ANKRD10: variants seen among roughly 807,000 people sequenced by gnomAD.
The protein encoded by ANKRD10 is ankyrin repeat domain 10.
A neutral mutation model predicts 27.0 loss-of-function variants in ANKRD10; 14 were observed. That is an observed-to-expected ratio of 0.52 (90% CI 0.34 to 0.81). The LOEUF (loss-of-function observed/expected upper bound fraction) is 0.81, where lower values mean the gene tolerates loss of function less well. Among genes scored for constraint, ANKRD10 ranks in the 40% least tolerant of loss-of-function variants. ANKRD10 has a pLI of 0.01. For missense variants in ANKRD10, 493 were observed against 544.0 expected, an observed-to-expected ratio of 0.91 and a Z score of 0.93; for synonymous variants, 250 against 224.5, an observed-to-expected ratio of 1.11 and a Z score of -1.01.
intron 2 of ANKRD10, among the ~76,000 whole-genome samples, chr13:110,907,611 G>A (rs1167140305): frequency 1.3e-5 from 2 of 152,136 alleles, no homozygotes; most frequent in East Asian, 1.9e-4. Flanking sequence ...TTAAACAAAG[G>A]TCTAAAGAGA....
chr13:110,887,995 T>G (rs147911497), intron 4 of ANKRD10, among the ~76,000 whole-genome samples: 34 of 152,290 alleles, frequency 2.2e-4, no homozygotes, highest in Admixed American at 1.4e-3. Context: ...TAGAGCACAT[T>G]TTACTCAACT....
chr13:110,880,018 C>G lies in ANKRD10; in HGVS notation c.882G>C (p.Gly294=). Residue 294 remains glycine (G), a synonymous_variant, in exon 6 of 6, where the codon GGG becomes GGC. Coordinates refer to ENST00000267339, the MANE Select transcript of ANKRD10 (RefSeq NM_017664.4). The part of the protein sequence containing the change: ...LDFPSTTPLS[G]MESRNGQCLT... Reference sequence around the variant, plus strand: ...AGCACTGGCCATTCCTGCTTTCCATCCCACTGAGCGGGGTCGTGGAGGGGA... The same window carrying G: ...AGCACTGGCCATTCCTGCTTTCCATGCCACTGAGCGGGGTCGTGGAGGGGA... 1 of 1,614,180 alleles carries G rather than the reference C, an allele frequency of 6.2e-7. No individual in the cohort carries two copies. The highest frequency in any genetic ancestry group is 1.1e-5 in the South Asian group (1 of 91,078).
intron 1 of ANKRD10, among the ~76,000 whole-genome samples, chr13:110,912,604 GAA>G (rs1318108977): frequency 6.6e-6 from 1 of 152,168 alleles, no homozygotes; most frequent in African/African-American, 2.4e-5. Context: ...TGGAATTCTG[GAA>G]AGATACTGTT....
chr13:110,887,062 C>A (rs1355839198), intron 4 of ANKRD10, among the ~76,000 whole-genome samples: 1 of 152,168 alleles, frequency 6.6e-6, no homozygotes, highest in African/African-American at 2.4e-5. Context: ...GTGGTCACTG[C>A]CTGCCCTCCT....
At chr13:110,910,856 G>A in intron 1 of ANKRD10, 86 bp from the exon 2 acceptor site, 1 of 1,339,862 alleles carries the variant, frequency 7.5e-7, no homozygotes, top group Admixed American at 2.8e-5. Context: ...TTCTATAATG[G>A]TGACAAATGG....
At chr13:110,891,936 C>T (rs568386347) in intron 4 of ANKRD10, among the ~76,000 whole-genome samples, 33 of 144,110 alleles carry the variant, frequency 2.3e-4, no homozygotes, top group Non-Finnish European at 4.2e-4. Context: ...TGGTCTCGAA[C>T]TCCTGAGCTC....
rs527738597 is a variant in ANKRD10 at position 110,899,371 on chromosome 13, C to A, written c.456-6108G>T. Reference sequence around the variant, plus strand: ...ATCCCCAGTTTGATGCACCTGGATACATGGGCTGTGCCTGACCTAAAACGT... The same window carrying A: ...ATCCCCAGTTTGATGCACCTGGATAAATGGGCTGTGCCTGACCTAAAACGT... On this transcript the variant is annotated intron_variant, in intron 3 of 5. Coordinates refer to ENST00000267339, the MANE Select transcript of ANKRD10 (RefSeq NM_017664.4). Among the ~76,000 whole-genome samples the A allele has an allele frequency of 6.6e-5, 10 of 152,330 alleles. No homozygotes were observed. The East Asian group carries it at 1.9e-3, about 29-fold the overall frequency.
intron 4 of ANKRD10, among the ~76,000 whole-genome samples, chr13:110,888,171 C>G (rs527563751): frequency 2.0e-5 from 3 of 150,566 alleles, no homozygotes. Flanking sequence ...CTGGAAAGAC[C>G]GGGGGGGACT....
At chr13:110,914,498 C>G (rs1334228290) in intron 1 of ANKRD10, 3 of 436,206 alleles carry the variant, frequency 6.9e-6, no homozygotes, top group Admixed American at 4.8e-5. Flanking sequence ...CGGACGCAGG[C>G]GCCACCGACC....
chr13:110,898,753 T>TTC (rs1292610525), intron 3 of ANKRD10, among the ~76,000 whole-genome samples: 3 of 41,554 alleles, frequency 7.2e-5, no homozygotes, highest in Non-Finnish European at 2.8e-4. Flanking sequence ...TTCTTTTCTT[T>TTC]TTTTTTTTTT....
intron 5 of ANKRD10, 51 bp from the exon 6 acceptor site, chr13:110,880,163 A>T: frequency 6.8e-7 from 1 of 1,474,308 alleles, no homozygotes; most frequent in Non-Finnish European, 9.3e-7. Flanking sequence ...ATGAGGGAGG[A>T]GAAACTATAA....
intron 2 of ANKRD10, among the ~76,000 whole-genome samples, chr13:110,907,619 A>T (rs1003014738): frequency 6.6e-6 from 1 of 152,238 alleles, no homozygotes; most frequent in African/African-American, 2.4e-5. Context: ...AGGTCTAAAG[A>T]GACTATAAAG....
intron 3 of ANKRD10, among the ~76,000 whole-genome samples, chr13:110,902,144 T>C (rs1209443151): frequency 6.7e-6 from 1 of 149,546 alleles, no homozygotes; most frequent in Non-Finnish European, 1.5e-5. Context: ...GAATTCAGAG[T>C]CATAATTCTG....
Position 110,879,425 on chromosome 13 carries a change from C to T in ANKRD10, c.*212G>A. 1.8e-6 allele frequency: 1 copy of T among 541,376 alleles called. No homozygotes were observed. The highest frequency in any genetic ancestry group is 2.9e-5 in the East Asian group (1 of 34,580). 33.5% of individuals were successfully genotyped at this position (541,376 alleles called of 1,614,324 possible). ...CCAAAAGTGCACCTTATAAAAAGGA[C>T]ACCTCACTGTAGAAACATCTATGCA... On this transcript the variant is annotated 3_prime_UTR_variant, in exon 6 of 6. Transcript: ENST00000267339.
At chr13:110,904,912 ACAGC>A (rs2065486812) in intron 3 of ANKRD10, 1 of 152,220 alleles carries the variant, frequency 6.6e-6, no homozygotes, top group African/African-American at 2.4e-5. Flanking sequence ...CAGATGATTG[ACAGC>A]CTCCGGTACC....
rs563766696 is a variant in ANKRD10, at chr13:110,879,264, CAA to C, written c.*371_*372del. On this transcript the variant is annotated 3_prime_UTR_variant, in exon 6 of 6. Coordinates refer to ENST00000267339, the MANE Select transcript of ANKRD10 (RefSeq NM_017664.4). ...AGCTTTTTAAAATGATGCCCATGTG[CAA>C]AGAGATAAATTACCAGGCACCTGAT... 8.7e-5 allele frequency: 19 copies of C among 218,126 alleles called. No individual in the cohort carries two copies. In the South Asian group the frequency reaches 1.3e-3, roughly 14 times the overall value. The allele number at this position is 218,126 out of a possible 1,614,324, so 13.5% of individuals were successfully genotyped here.
intron 2 of ANKRD10, among the ~76,000 whole-genome samples, chr13:110,908,326 T>TCA (rs1160282334): frequency 3.0e-4 from 45 of 152,274 alleles, no homozygotes; most frequent in African/African-American, 9.9e-4. Flanking sequence ...CCAAGGCTAG[T>TCA]CAATATAGAT....
intron 4 of ANKRD10, chr13:110,892,825 T>A: frequency 7.3e-7 from 1 of 1,375,282 alleles, no homozygotes; most frequent in African/African-American, 1.5e-5. Context: ...GGGCCATCAG[T>A]ATTTCCCTCA....
At chr13:110,899,328 C>T (rs371278417) in intron 3 of ANKRD10, among the ~76,000 whole-genome samples, 9 of 152,292 alleles carry the variant, frequency 5.9e-5, no homozygotes, top group Middle Eastern at 3.4e-3. Context: ...TCAAAACAGA[C>T]GCACTTTTGA....
Sources: gnomAD v4.1 joint callset for allele counts (sites outside exome capture counted in the v4.1 genomes callset) on GRCh38, gnomAD v4.1.1 for gene constraint, MANE v1.5 for transcripts, NCBI Gene and HGNC (gene_info 2026-07-23, HGNC 2026-07-21) for gene names.